FBXL20: variants seen among roughly 807,000 people sequenced by gnomAD.
FBXL20 encodes the protein F-box/LRR-repeat protein 20.
FBXL20 carries 11 observed loss-of-function variants against 64.0 expected under a neutral mutation model. That is an observed-to-expected ratio of 0.17 (90% confidence interval 0.11 to 0.28). FBXL20 has a LOEUF of 0.28. Among genes scored for constraint, FBXL20 ranks in the 10% least tolerant of loss-of-function variants. The probability of loss-of-function intolerance (pLI) is 1.00; values close to 1 mark genes in which losing one functional copy is unlikely to be tolerated. For synonymous variants in FBXL20, 184 were observed against 189.0 expected (o/e 0.97, Z 0.22); for missense variants, 303 against 526.2 (o/e 0.58, Z 4.15).
At chr17:39,328,735 A>C (rs953309821) in intron 2 of FBXL20, among the ~76,000 whole-genome samples, 7 of 152,244 alleles carry the variant, frequency 4.6e-5, no homozygotes, top group Admixed American at 2.0e-4. Flanking sequence ...TTAGTGAGTC[A>C]AAGTTTTATG....
At chr17:39,310,203 T>G (rs2047221126) in intron 2 of FBXL20, among the ~76,000 whole-genome samples, 1 of 151,640 alleles carries the variant, frequency 6.6e-6, no homozygotes, top group African/African-American at 2.4e-5. Context: ...AAACTCCTTC[T>G]GCTTGTAAGA....
chr17:39,291,151 CG>C (rs1245367131), intron 6 of FBXL20, among the ~76,000 whole-genome samples: 2 of 151,618 alleles, frequency 1.3e-5, no homozygotes, highest in Non-Finnish European at 2.9e-5. Flanking sequence ...TTAGTAGAGA[CG>C]GGGTTTCACC....
Position 39,253,170 on chromosome 17 carries a change from T to C in FBXL20, c.*8290A>G, listed in dbSNP as rs1183682957. The stretch of plus-strand genomic sequence containing the variant: ...ACAGAGCCTGGTATGAAGATAAAAA[T>C]GTCTCCAACAGCACCATTTACCCAT... On this transcript the variant is annotated 3_prime_UTR_variant, in exon 15 of 15. Transcript: ENST00000264658. The C allele has an allele frequency of 6.6e-6, 1 of 152,594 alleles. No homozygotes were observed. Among genetic ancestry groups the C allele is most frequent in the Non-Finnish European group, 1.5e-5 (1 of 68,300 alleles). The allele number at this position is 152,594 out of a possible 1,614,324, so 9.5% of individuals were successfully genotyped here. A position where few individuals can be genotyped will look rare whatever the true frequency, so the allele number is the denominator to read the frequency against.
Position 39,275,109 on chromosome 17 carries a change from C to A in FBXL20, c.697-9G>T, listed in dbSNP as rs1370879760. ...CCTTCATCTGTGATTTGCTAAAAAA[C>A]AAGAGCAAAAAAATCCATAGATATT... On this transcript the variant is annotated splice_polypyrimidine_tract_variant and intron_variant, in intron 9 of 14. Coordinates refer to ENST00000264658, the MANE Select transcript of FBXL20 (RefSeq NM_032875.3). 5.7e-6 allele frequency: 9 copies of A among 1,592,652 alleles called. No individual in the cohort carries two copies. Among genetic ancestry groups the A allele is most frequent in the Admixed American group, 3.6e-5 (2 of 54,926 alleles).
chr17:39,272,718 A>AAAAGAAAGAAAG (rs1555602652), intron 10 of FBXL20, among the ~76,000 whole-genome samples: 1 of 79,822 alleles, frequency 1.3e-5, no homozygotes, highest in African/African-American at 3.6e-5. Flanking sequence ...AAAAAAAAAA[A>AAAAGAAAGAAAG]AAAGAAAGAA....
chr17:39,372,631 T>C (rs1016409251), intron 1 of FBXL20, among the ~76,000 whole-genome samples: 2 of 151,320 alleles, frequency 1.3e-5, no homozygotes, highest in Non-Finnish European at 3.0e-5. Flanking sequence ...TTTTTTTTTT[T>C]TGAGATGGAG....
chr17:39,346,842 C>T (rs1352854779), intron 1 of FBXL20, among the ~76,000 whole-genome samples: 2 of 135,760 alleles, frequency 1.5e-5, no homozygotes, highest in Non-Finnish European at 3.2e-5. Flanking sequence ...TCTCTCCCCC[C>T]TCCCCCCACC....
chr17:39,348,445 C>T lies in FBXL20; in HGVS notation c.43-5204G>A, dbSNP rs556132152. 3.4e-3 allele frequency among the ~76,000 whole-genome samples: 508 copies of T among 147,902 alleles called. 5 individuals are homozygous for T. The highest frequency in any genetic ancestry group is 0.013 in the African/African-American group (494 of 38,526). The stretch of plus-strand genomic sequence containing the variant: ...ACTGCAGTCCAGCCTGGCGACAGAA[C>T]GAGACTCCGTCTCAAAAAAAAGAAA... On this transcript the variant is annotated intron_variant, in intron 1 of 14. Coordinates refer to ENST00000264658, the MANE Select transcript of FBXL20 (RefSeq NM_032875.3).
At chr17:39,317,674 TTTGTTTTTTTTTTTGTTTTTTTTTTTG>T (rs2047307173) in intron 2 of FBXL20, among the ~76,000 whole-genome samples, 1 of 116,312 alleles carries the variant, frequency 8.6e-6, no homozygotes, top group African/African-American at 4.5e-5. Flanking sequence ...AGAGTTTGAC[TTTGTTTTTTTTTTTGTTTTTTTTTTTG>T]TTTTTTTTTT....
At chr17:39,322,079 T>A (rs1352656539) in intron 2 of FBXL20, among the ~76,000 whole-genome samples, 1 of 147,758 alleles carries the variant, frequency 6.8e-6, no homozygotes, top group Non-Finnish European at 1.5e-5. Flanking sequence ...TGGTGGCTCA[T>A]GCCTGGAAGG....
At chr17:39,342,004 A>C (rs1346940138) in intron 2 of FBXL20, among the ~76,000 whole-genome samples, 2 of 152,200 alleles carry the variant, frequency 1.3e-5, no homozygotes, top group Non-Finnish European at 2.9e-5. Flanking sequence ...TTTACTGAAC[A>C]GCCTTCCTAT....
chr17:39,282,996 A>G (rs2046960914), intron 7 of FBXL20, 141 bp from the exon 8 acceptor site: 13 of 910,864 alleles, frequency 1.4e-5, no homozygotes, highest in Non-Finnish European at 2.2e-5. Flanking sequence ...TACCTAATGT[A>G]TATTTAGATT....
chr17:39,336,797 C>G (rs533885929), intron 2 of FBXL20, among the ~76,000 whole-genome samples: 1 of 151,084 alleles, frequency 6.6e-6, no homozygotes, highest in East Asian at 1.9e-4. Flanking sequence ...GCACTCCAGC[C>G]TGGGCGACAG....
At chr17:39,346,594 A>T (rs2047634840) in intron 1 of FBXL20, among the ~76,000 whole-genome samples, 1 of 152,194 alleles carries the variant, frequency 6.6e-6, no homozygotes, top group Non-Finnish European at 1.5e-5. Flanking sequence ...TGGAACAAAG[A>T]TTGTTAAAAA....
chr17:39,317,672 ACTTTG>A (rs2047306913), intron 2 of FBXL20, among the ~76,000 whole-genome samples: 1 of 137,054 alleles, frequency 7.3e-6, no homozygotes, highest in African/African-American at 2.8e-5. Context: ...GGAGAGTTTG[ACTTTG>A]TTTTTTTTTT....
chr17:39,357,994 C>T (rs1003764497), intron 1 of FBXL20, among the ~76,000 whole-genome samples: 87 of 152,166 alleles, frequency 5.7e-4, no homozygotes, highest in Admixed American at 1.4e-3. Flanking sequence ...ATAAACTCTT[C>T]TCATACATAT....
chr17:39,267,200 C>T (rs1253457596), intron 12 of FBXL20, among the ~76,000 whole-genome samples: 6 of 151,846 alleles, frequency 4.0e-5, no homozygotes, highest in Non-Finnish European at 7.4e-5. Context: ...TGCAGTGAGC[C>T]GAGACTGAGC....
Position 39,355,889 on chromosome 17 carries a change from C to G in FBXL20, c.43-12648G>C, listed in dbSNP as rs2047733762. ...AAAAAAAAAAAAAGAACTCCTTTGC[C>G]TAATCCAATTTCATAAAAATTTTCT... is the stretch of plus-strand genomic sequence containing the variant. On this transcript the variant is annotated intron_variant, in intron 1 of 14. Transcript: ENST00000264658. 2.0e-5 allele frequency among the ~76,000 whole-genome samples: 3 copies of G among 147,232 alleles called. No individual in the cohort carries two copies. In the South Asian group the frequency reaches 6.4e-4, roughly 31 times the overall value.
intron 2 of FBXL20, among the ~76,000 whole-genome samples, chr17:39,322,264 T>G (rs2144516055): frequency 6.6e-6 from 1 of 150,468 alleles, no homozygotes; most frequent in African/African-American, 2.4e-5. Flanking sequence ...ATTTTTAAAA[T>G]ACTTTGAGAC....
Sources: allele counts gnomAD v4.1 joint callset (sites outside exome capture counted in the v4.1 genomes callset), GRCh38; gene constraint gnomAD v4.1.1; transcripts MANE v1.5; gene names NCBI Gene and HGNC (gene_info 2026-07-23, HGNC 2026-07-21).